The following ZBTB20 variants were observed in gnomAD, a reference collection of about 807,000 sequenced individuals.
ZBTB20 encodes zinc finger and BTB domain containing 20.
Under a neutral mutation model 56.9 loss-of-function variants are expected in ZBTB20, and 9 were observed. The ratio of observed to expected loss-of-function variants is 0.16; its 90% CI spans 0.10 to 0.28. The LOEUF (loss-of-function observed/expected upper bound fraction) is 0.28, where lower values mean the gene tolerates loss of function less well. Ranked by LOEUF, ZBTB20 falls within the 10% of genes least tolerant of loss-of-function variation. ZBTB20 has a pLI of 1.00. For synonymous variants in ZBTB20, 417 were observed against 420.7 expected, an observed-to-expected ratio of 0.99 and a Z score of 0.11; for missense variants, 655 against 1,003.0, an observed-to-expected ratio of 0.65 and a Z score of 4.69.
intron 7 of ZBTB20, among the ~76,000 whole-genome samples, chr3:114,494,837 G>T (rs1395738758): frequency 6.6e-6 from 1 of 152,188 alleles, no homozygotes. Context: ...CTAGCTATCA[G>T]TTCTTTTGTC....
chr3:114,831,087 C>CTTTTTTTTTTTTTTTTTTTTTTTTTT (rs57265260), intron 4 of ZBTB20, among the ~76,000 whole-genome samples: 2 of 55,550 alleles, frequency 3.6e-5, no homozygotes, highest in East Asian at 8.8e-4. Flanking sequence ...TTTCTTTCTT[C>CTTTTTTTTTTTTTTTTTTTTTTTTTT]TTTTTTTTTT....
chr3:114,890,346 C>G (rs2076759760), intron 4 of ZBTB20, among the ~76,000 whole-genome samples: 1 of 152,170 alleles, frequency 6.6e-6, no homozygotes, highest in African/African-American at 2.4e-5. Flanking sequence ...CAGTGATAAT[C>G]TGCACCGTAA....
At chr3:114,497,600 A>G (rs567320065) in intron 7 of ZBTB20, among the ~76,000 whole-genome samples, 28 of 152,264 alleles carry the variant, frequency 1.8e-4, no homozygotes, top group African/African-American at 6.7e-4. Flanking sequence ...TGGTCACCTT[A>G]CCACATCCAA....
intron 2 of ZBTB20, among the ~76,000 whole-genome samples, chr3:115,015,951 TC>T (rs1200654283): frequency 6.6e-6 from 1 of 151,918 alleles, no homozygotes; most frequent in African/African-American, 2.4e-5. Context: ...GCAAAAGCAT[TC>T]CTTTTTCTCC....
At chr3:114,542,950 A>G (rs552827182) in intron 6 of ZBTB20, among the ~76,000 whole-genome samples, 1 of 152,304 alleles carries the variant, frequency 6.6e-6, no homozygotes, top group South Asian at 2.1e-4. Context: ...GGAAAGATCT[A>G]TACTGAAACT....
chr3:114,901,082 C>T (rs1018901591), intron 3 of ZBTB20, among the ~76,000 whole-genome samples: 2 of 152,026 alleles, frequency 1.3e-5, no homozygotes, highest in African/African-American at 4.8e-5. Flanking sequence ...CAACATACAG[C>T]CTGGGAACTA....
At position 114,853,296 on chromosome 3, in the gene ZBTB20, A is replaced by G. The variant is rs74560396; in HGVS notation, c.-417+47008T>C. Among the ~76,000 whole-genome samples the G allele has an allele frequency of 2.0e-4, 31 of 152,266 alleles. No homozygotes were observed. The East Asian group carries it at 3.9e-3, about 19-fold the overall frequency. On this transcript the variant is annotated intron_variant, in intron 4 of 11. Coordinates refer to ENST00000675478, the MANE Select transcript of ZBTB20 (RefSeq NM_001348800.3). Reference sequence around the variant, plus strand: ...GTGTCCATCAACTTTTGGATGTTCTACCTGCTGCCTATATTTAAAATACTC... The same window carrying G: ...GTGTCCATCAACTTTTGGATGTTCTGCCTGCTGCCTATATTTAAAATACTC...
intron 3 of ZBTB20, among the ~76,000 whole-genome samples, chr3:114,955,756 T>C (rs2107939467): frequency 6.6e-6 from 1 of 152,270 alleles, no homozygotes; most frequent in African/African-American, 2.4e-5. Context: ...AATCAGTTCT[T>C]CTGGGTAAGG....
At chr3:114,608,480 A>G (rs2057327432) in intron 6 of ZBTB20, among the ~76,000 whole-genome samples, 1 of 152,180 alleles carries the variant, frequency 6.6e-6, no homozygotes, top group African/African-American at 2.4e-5. Flanking sequence ...ATGTTTGGGA[A>G]ACACTGTTCT....
At chr3:114,981,040 T>G (rs1168486008) in intron 2 of ZBTB20, among the ~76,000 whole-genome samples, 1 of 152,032 alleles carries the variant, frequency 6.6e-6, no homozygotes, top group Non-Finnish European at 1.5e-5. Context: ...AGAGGATGGC[T>G]CTTGAACTTT....
intron 7 of ZBTB20, among the ~76,000 whole-genome samples, chr3:114,419,777 C>T (rs1030635575): frequency 2.6e-5 from 4 of 152,008 alleles, no homozygotes; most frequent in African/African-American, 7.2e-5. Context: ...AAATGAAATC[C>T]GAAAGAAGAG....
intron 2 of ZBTB20, among the ~76,000 whole-genome samples, chr3:115,026,865 A>T (rs2080447921): frequency 6.7e-6 from 1 of 149,448 alleles, no homozygotes; most frequent in South Asian, 2.1e-4. Flanking sequence ...TAACAATATA[A>T]AAAAAAAATC....
At chr3:114,377,421 T>C (rs768150362) in intron 10 of ZBTB20, among the ~76,000 whole-genome samples, 2 of 152,190 alleles carry the variant, frequency 1.3e-5, no homozygotes, top group Non-Finnish European at 2.9e-5. Flanking sequence ...TTTGCCGAAT[T>C]TGAAGAGGCT....
intron 1 of ZBTB20, among the ~76,000 whole-genome samples, chr3:115,129,931 T>A (rs1329098235): frequency 6.6e-6 from 1 of 152,228 alleles, no homozygotes; most frequent in African/African-American, 2.4e-5. Flanking sequence ...ATCAGTAATA[T>A]GTTCTATTGC....
intron 7 of ZBTB20, among the ~76,000 whole-genome samples, chr3:114,455,896 A>G (rs2091983353): frequency 1.3e-5 from 2 of 152,040 alleles, no homozygotes; most frequent in Non-Finnish European, 2.9e-5. Flanking sequence ...AGCCCCAGAG[A>G]TCAATCTCTC....
chr3:114,782,214 T>A (rs2070157122), intron 5 of ZBTB20, among the ~76,000 whole-genome samples: 1 of 152,120 alleles, frequency 6.6e-6, no homozygotes, highest in African/African-American at 2.4e-5. Flanking sequence ...TTACATATAC[T>A]TTTTTTTGTT....
At chr3:114,580,671 A>G (rs2054554687) in intron 6 of ZBTB20, among the ~76,000 whole-genome samples, 1 of 151,880 alleles carries the variant, frequency 6.6e-6, no homozygotes, top group Non-Finnish European at 1.5e-5. Context: ...ATAATAACCA[A>G]TAAACAATGA....
chr3:114,613,787 G>C (rs1376469801), intron 6 of ZBTB20, among the ~76,000 whole-genome samples: 1 of 152,036 alleles, frequency 6.6e-6, no homozygotes, highest in Non-Finnish European at 1.5e-5. Context: ...GTGCATGTAG[G>C]TTTTTTTCCT....
chr3:114,495,242 T>C (rs994572408), intron 7 of ZBTB20, among the ~76,000 whole-genome samples: 1 of 152,258 alleles, frequency 6.6e-6, no homozygotes, highest in African/African-American at 2.4e-5. Context: ...AATTATTCTT[T>C]GTACATAGCA....
Sources: gnomAD v4.1 joint callset for allele counts (sites outside exome capture counted in the v4.1 genomes callset) on GRCh38, gnomAD v4.1.1 for gene constraint, MANE v1.5 for transcripts, NCBI Gene and HGNC (gene_info 2026-07-23, HGNC 2026-07-21) for gene names.